FUT2: variants seen among roughly 807,000 people sequenced by gnomAD.
The protein encoded by FUT2 is fucosyltransferase 2 (H blood group).
For missense variants in FUT2, 419 were observed against 465.8 expected, an observed-to-expected ratio of 0.90 and a Z score of 0.93; for synonymous variants, 182 against 193.1, an observed-to-expected ratio of 0.94 and a Z score of 0.48.
chr19:48,702,080 A>T (rs921390540), intron 1 of FUT2, among the ~76,000 whole-genome samples: 2 of 152,138 alleles, frequency 1.3e-5, no homozygotes, highest in Middle Eastern at 3.4e-3. Flanking sequence ...ACATATGTAC[A>T]CTCAGTCGAT....
intron 1 of FUT2, among the ~76,000 whole-genome samples, chr19:48,699,079 C>T (rs760091882): frequency 8.4e-5 from 12 of 143,332 alleles, no homozygotes; most frequent in Non-Finnish European, 1.5e-4. Flanking sequence ...GCAGCTGGGG[C>T]ACCTACAGTA....
chr19:48,703,615 G>A lies in FUT2; in HGVS notation c.659G>A (p.Arg220Gln), dbSNP rs141719385. 18 of 1,613,224 alleles carry A rather than the reference G, an allele frequency of 1.1e-5. No individual in the cohort carries two copies. Among genetic ancestry groups the A allele is most frequent in the Middle Eastern group, 1.6e-4 (1 of 6,062 alleles). ...GTGTGGAAGGGGGTGGTGGCCGACC[G>A]GCGATACCTACAGCAGGCCCTGGAC... Reference protein sequence around the residue: ...PKVWKGVVADRRYLQQALDWF... With the variant: ...PKVWKGVVADQRYLQQALDWF... The change falls in exon 2 of 2, where the codon CGG becomes CAG. Residue 220 changes from arginine (R) to glutamine (Q), a missense_variant. Transcript: ENST00000425340.
chr19:48,701,581 C>T (rs1385840450), intron 1 of FUT2, among the ~76,000 whole-genome samples: 1 of 152,086 alleles, frequency 6.6e-6, no homozygotes, highest in Non-Finnish European at 1.5e-5. Context: ...CAACTGGCTG[C>T]GGCCAGGAGG....
Position 48,703,231 on chromosome 19 carries a change from C to T in FUT2, c.275C>T (p.Pro92Leu). 6.2e-7 allele frequency: 1 copy of T among 1,613,094 alleles called. No individual in the cohort carries two copies. ...GCCCTGGCCAAGATGAACGGGCGGC[C>T]CGCCTTCATCCCGGCCCAGATGCAC... ...LYALAKMNGR[P>L]AFIPAQMHST... Residue 92 changes from proline (P) to leucine (L), a missense_variant, in exon 2 of 2, where the codon CCC (proline) becomes CTC (leucine). Physicochemically the swap from Pro to Leu is moderately conservative, Grantham distance 98. Transcript: ENST00000425340.
chr19:48,702,907 C>T (rs749711568), intron 1 of FUT2, 48 bp from the exon 2 acceptor site: 21 of 1,589,174 alleles, frequency 1.3e-5, no homozygotes, highest in Admixed American at 3.3e-5. Context: ...ACCAGCGCCC[C>T]GGGCCTCCAT....
rs2032575472 is a variant in FUT2 at position 48,703,667 on chromosome 19, C to T, written c.711C>T (p.Leu237=). The part of the protein sequence containing the change: ...LDWFRARYSS[L]IFVVTSNGMA... Reference sequence around the variant, plus strand: ...GGTTCCGAGCTCGCTACAGCTCCCTCATCTTCGTGGTCACCAGTAATGGCA... The same window carrying T: ...GGTTCCGAGCTCGCTACAGCTCCCTTATCTTCGTGGTCACCAGTAATGGCA... Residue 237 remains leucine, a synonymous_variant, in exon 2 of 2, where the codon CTC becomes CTT. Transcript: ENST00000425340. 2 of 1,613,590 alleles carry T rather than the reference C, an allele frequency of 1.2e-6. No homozygotes were observed. The highest frequency in any genetic ancestry group is 1.7e-6 in the Non-Finnish European group (2 of 1,180,044).
chr19:48,699,286 C>T (rs2032469354), intron 1 of FUT2, among the ~76,000 whole-genome samples: 1 of 151,988 alleles, frequency 6.6e-6, no homozygotes, highest in African/African-American at 2.4e-5. Context: ...CAATCTCTGC[C>T]TTCCATGATC....
intron 1 of FUT2, among the ~76,000 whole-genome samples, chr19:48,697,345 CAAAA>C (rs71179033): frequency 2.0e-5 from 2 of 98,384 alleles, no homozygotes; most frequent in Non-Finnish European, 3.8e-5. Flanking sequence ...AACTCCGTCT[CAAAA>C]AAAAAAAAAA....
rs1266743929 is a variant in FUT2 at position 48,704,770 on chromosome 19, G to C, written c.*782G>C. 4.8e-6 allele frequency: 2 copies of C among 413,378 alleles called. No homozygotes were observed. The highest frequency in any genetic ancestry group is 4.1e-5 in the African/African-American group (2 of 48,630). The allele number at this position is 413,378 out of a possible 1,614,324, so 25.6% of individuals were successfully genotyped here. On this transcript the variant is annotated 3_prime_UTR_variant, in exon 2 of 2. Coordinates refer to ENST00000425340, the MANE Select transcript of FUT2 (RefSeq NM_000511.6). ...ATTTCCCCCCAACTCCGATGGGTAG[G>C]AATTGTCACATACCCATGTGACCCG...
chr19:48,704,068 C>A lies in FUT2; in HGVS notation c.*80C>A. ...GCCCGGGCATGAGAAGCACATGGTT[C>A]CATGAGCAGGACCCATCTCTCTTCT... On this transcript the variant is annotated 3_prime_UTR_variant, in exon 2 of 2. Transcript: ENST00000425340. 7.8e-7 allele frequency: 1 copy of A among 1,283,500 alleles called. No homozygotes were observed. Among genetic ancestry groups the A allele is most frequent in the Non-Finnish European group, 1.1e-6 (1 of 883,692 alleles). 79.5% of individuals were successfully genotyped at this position (1,283,500 alleles called of 1,614,324 possible).
At chr19:48,697,993 CTTTTTTT>C (rs1023815002) in intron 1 of FUT2, among the ~76,000 whole-genome samples, 2 of 88,132 alleles carry the variant, frequency 2.3e-5, no homozygotes, top group Admixed American at 1.5e-4. Context: ...TGCACTGGCT[CTTTTTTT>C]TTTTTTTTTT....
chr19:48,703,999 T>G lies in FUT2; in HGVS notation c.*11T>G. 1 of 1,611,972 alleles carries G rather than the reference T, an allele frequency of 6.2e-7. No individual in the cohort carries two copies. The highest frequency in any genetic ancestry group is 1.1e-5 in the South Asian group (1 of 90,462). ...TTACTCAAGCACTAATGCTGGCCCA[T>G]TCTTTGAGACCTTTTCTCCTTCTCT... On this transcript the variant is annotated 3_prime_UTR_variant, in exon 2 of 2. Coordinates refer to ENST00000425340, the MANE Select transcript of FUT2 (RefSeq NM_000511.6).
At chr19:48,699,299 G>A (rs2032469653) in intron 1 of FUT2, among the ~76,000 whole-genome samples, 1 of 151,994 alleles carries the variant, frequency 6.6e-6, no homozygotes, top group South Asian at 2.1e-4. Flanking sequence ...CCATGATCAA[G>A]TGATTCTCCT....
At position 48,703,007 on chromosome 19, in the gene FUT2, C is replaced by G; in HGVS notation, c.51C>G (p.Leu17=). Residue 17 remains leucine (L), a synonymous_variant, in exon 2 of 2, where the codon CTC becomes CTG. Coordinates refer to ENST00000425340, the MANE Select transcript of FUT2 (RefSeq NM_000511.6). ...CCTTTCCCATGGCCCACTTCATCCT[C>G]TTTGTCTTTACGGTTTCCACTATAT... The part of the protein sequence containing the change: ...PFSFPMAHFI[L]FVFTVSTIFH... 6.2e-7 allele frequency: 1 copy of G among 1,613,170 alleles called. No homozygotes were observed. Among genetic ancestry groups the G allele is most frequent in the African/African-American group, 1.3e-5 (1 of 75,050 alleles).
At chr19:48,696,638 G>T (rs2032416434) in intron 1 of FUT2, 1 of 152,244 alleles carries the variant, frequency 6.6e-6, no homozygotes, top group Non-Finnish European at 1.5e-5. Context: ...TAAAGGTGGG[G>T]TTTCCAAGTG....
intron 1 of FUT2, among the ~76,000 whole-genome samples, chr19:48,702,144 T>C (rs2032528057): frequency 6.6e-6 from 1 of 152,060 alleles, no homozygotes; most frequent in Admixed American, 6.5e-5. Context: ...CTCACGCCTA[T>C]AATCTGAGCA....
At chr19:48,701,142 C>G (rs925600174) in intron 1 of FUT2, among the ~76,000 whole-genome samples, 2 of 151,768 alleles carry the variant, frequency 1.3e-5, no homozygotes, top group African/African-American at 4.8e-5. Flanking sequence ...TCACTATTTT[C>G]TTTTCTTTTC....
chr19:48,700,648 T>C (rs1474646463), intron 1 of FUT2, among the ~76,000 whole-genome samples: 2 of 152,054 alleles, frequency 1.3e-5, no homozygotes, highest in Admixed American at 1.3e-4. Flanking sequence ...ATTTCTTAGC[T>C]GTATCATCTC....
At position 48,705,009 on chromosome 19, in the gene FUT2, G is replaced by GTT; in HGVS notation, c.*1021_*1022insTT. Reference sequence around the variant, plus strand: ...CTGCAGGAAGTCCCCTGGTTAAGAAGGCAAGTGGGGTTTAAACAGACCCAC... The same window carrying GTT: ...CTGCAGGAAGTCCCCTGGTTAAGAAGTTGCAAGTGGGGTTTAAACAGACCCAC... On this transcript the variant is annotated 3_prime_UTR_variant, in exon 2 of 2. Transcript: ENST00000425340. 1 of 409,432 alleles carries GTT rather than the reference G, an allele frequency of 2.4e-6. No homozygotes were observed. 25.4% of individuals were successfully genotyped at this position (409,432 alleles called of 1,614,324 possible).
Sources: gnomAD v4.1 joint callset for allele counts (sites outside exome capture counted in the v4.1 genomes callset) on GRCh38, gnomAD v4.1.1 for gene constraint, MANE v1.5 for transcripts, NCBI Gene and HGNC (gene_info 2026-07-23, HGNC 2026-07-21) for gene names.